The following FREM1 variants were observed in gnomAD, a reference collection of about 807,000 sequenced individuals.
FREM1 encodes the protein FRAS1-related extracellular matrix protein 1.
FREM1 carries 220 observed loss-of-function variants against 210.1 expected under a neutral mutation model. The ratio of observed to expected loss-of-function variants is 1.05; its 90% CI spans 0.94 to 1.17. The LOEUF (loss-of-function observed/expected upper bound fraction) is 1.17. Ranked by LOEUF, FREM1 falls within the 50% of genes most tolerant of loss-of-function variation. The probability of loss-of-function intolerance (pLI) is 0.00; values close to 1 mark genes in which losing one functional copy is unlikely to be tolerated. For missense variants in FREM1, 3,454 were observed against 2,675.5 expected (o/e 1.29, Z -6.42); for synonymous variants, 1,189 against 980.2 (o/e 1.21, Z -3.98).
intron 8 of FREM1, 62 bp from the exon 9 acceptor site, chr9:14,842,722 G>A (rs1407114290): frequency 1.6e-6 from 2 of 1,227,658 alleles, no homozygotes; most frequent in African/African-American, 1.5e-5. Flanking sequence ...GCAGCTGTGG[G>A]GAAAGCATCA....
chr9:14,808,511 C>G (rs1818783128), intron 16 of FREM1, among the ~76,000 whole-genome samples: 1 of 152,140 alleles, frequency 6.6e-6, no homozygotes. Flanking sequence ...GAGAAGGCAA[C>G]CTTTTCCCTT....
chr9:14,854,074 C>T (rs2151206), intron 5 of FREM1, among the ~76,000 whole-genome samples: 75,623 of 151,992 alleles, frequency 0.5, 20,929 homozygotes, highest in South Asian at 0.66. Context: ...CAGTTATCAT[C>T]ATACATAGGA....
intron 1 of FREM1, among the ~76,000 whole-genome samples, chr9:14,882,737 G>C (rs1263139785): frequency 6.6e-6 from 1 of 151,380 alleles, no homozygotes; most frequent in Non-Finnish European, 1.5e-5. Flanking sequence ...GATTACAGGT[G>C]TGAACCACTG....
intron 1 of FREM1, among the ~76,000 whole-genome samples, chr9:14,876,015 T>C (rs1002259721): frequency 2.0e-5 from 3 of 152,234 alleles, no homozygotes; most frequent in African/African-American, 7.2e-5. Context: ...CAAATGCTGC[T>C]GTCTGATCGT....
At chr9:14,832,049 C>T (rs981537383) in intron 10 of FREM1, among the ~76,000 whole-genome samples, 1 of 152,226 alleles carries the variant, frequency 6.6e-6, no homozygotes, top group African/African-American at 2.4e-5. Context: ...AGATTGTCTT[C>T]AACATGCACT....
chr9:14,878,319 A>T (rs988365705), intron 1 of FREM1, among the ~76,000 whole-genome samples: 7 of 151,736 alleles, frequency 4.6e-5, no homozygotes, highest in African/African-American at 1.2e-4. Context: ...ATCAAGATCC[A>T]TTCCTCCCTC....
At chr9:14,809,337 A>C (rs1818966158) in intron 16 of FREM1, among the ~76,000 whole-genome samples, 1 of 152,228 alleles carries the variant, frequency 6.6e-6, no homozygotes, top group South Asian at 2.1e-4. Flanking sequence ...AAATGGACTA[A>C]TACAGGGAGG....
At chr9:14,881,226 C>T (rs773498287) in intron 1 of FREM1, among the ~76,000 whole-genome samples, 18 of 152,156 alleles carry the variant, frequency 1.2e-4, no homozygotes, top group East Asian at 3.9e-4. Context: ...GCACATAAAA[C>T]GAAGACTTTG....
At chr9:14,832,942 T>A (rs892022180) in intron 10 of FREM1, among the ~76,000 whole-genome samples, 1 of 152,200 alleles carries the variant, frequency 6.6e-6, no homozygotes, top group Non-Finnish European at 1.5e-5. Flanking sequence ...CAGGACCCCA[T>A]AGGCCTGCTG....
intron 3 of FREM1, among the ~76,000 whole-genome samples, chr9:14,863,040 T>A (rs1004240248): frequency 2.0e-5 from 3 of 152,104 alleles, no homozygotes; most frequent in Non-Finnish European, 4.4e-5. Context: ...AACTCCATAG[T>A]TGATTTTTAA....
chr9:14,873,035 G>T (rs1832990081), intron 1 of FREM1, among the ~76,000 whole-genome samples: 1 of 152,016 alleles, frequency 6.6e-6, no homozygotes, highest in South Asian at 2.1e-4. Context: ...GATCATGGTG[G>T]ATAAGCTTTT....
chr9:14,890,257 C>A (rs985108253), intron 1 of FREM1, among the ~76,000 whole-genome samples: 5 of 152,228 alleles, frequency 3.3e-5, no homozygotes. Context: ...CATACCTTTG[C>A]CTACAACACA....
At chr9:14,759,982 A>G (rs1213945060) in intron 27 of FREM1, 81 bp from the exon 28 acceptor site, 2 of 1,197,736 alleles carry the variant, frequency 1.7e-6, no homozygotes, top group African/African-American at 3.1e-5. Flanking sequence ...GACTAGTGGA[A>G]AAACGTGGTT....
At chr9:14,794,583 C>T (rs1056020099) in intron 21 of FREM1, among the ~76,000 whole-genome samples, 1 of 152,168 alleles carries the variant, frequency 6.6e-6, no homozygotes, top group Non-Finnish European at 1.5e-5. Context: ...GCATCCTCTA[C>T]AGTAGCTAAA....
Position 14,869,231 on chromosome 9 carries a change from G to C in FREM1, c.-254C>G, listed in dbSNP as rs1376684368. 2.5e-6 allele frequency: 1 copy of C among 398,786 alleles called. No homozygotes were observed. Among genetic ancestry groups the C allele is most frequent in the Non-Finnish European group, 4.5e-6 (1 of 222,138 alleles). The allele number at this position is 398,786 out of a possible 1,614,324, so 24.7% of individuals were successfully genotyped here. ...CCGGCAAGATTAATGGGCTTCCCAA[G>C]TGCTTTTCTAATCCTGCAAATGGGA... On this transcript the variant is annotated 5_prime_UTR_variant, in exon 2 of 37. Coordinates refer to ENST00000380880, the MANE Select transcript of FREM1 (RefSeq NM_001379081.2).
Position 14,857,708 on chromosome 9 carries a change from G to C in FREM1, c.673C>G (p.Pro225Ala), listed in dbSNP as rs1319259460. 3.7e-6 allele frequency: 6 copies of C among 1,612,998 alleles called. No homozygotes were observed. Among genetic ancestry groups the C allele is most frequent in the South Asian group, 2.2e-5 (2 of 90,896 alleles). ...KLKCPGGSCT[P>A]GLKKIGSLKV... ...AGGCTTCCTATTTTCTTTAATCCTG[G>C]GGTACAGCTCCCACCTGGACACTTC... The change falls in exon 5 of 37, where the codon CCA becomes GCA. Residue 225 changes from proline (P) to alanine (A), a missense_variant. Coordinates refer to ENST00000380880, the MANE Select transcript of FREM1 (RefSeq NM_001379081.2).
At chr9:14,844,406 G>A (rs1826234450) in intron 8 of FREM1, among the ~76,000 whole-genome samples, 1 of 152,020 alleles carries the variant, frequency 6.6e-6, no homozygotes, top group African/African-American at 2.4e-5. Context: ...TATGTTTTTA[G>A]TAGAGATGGG....
At chr9:14,749,402 G>A (rs1303013470) in intron 30 of FREM1, among the ~76,000 whole-genome samples, 1 of 144,106 alleles carries the variant, frequency 6.9e-6, no homozygotes, top group Non-Finnish European at 1.6e-5. Context: ...GAAGAGAAGG[G>A]AATAGATTCC....
intron 10 of FREM1, among the ~76,000 whole-genome samples, chr9:14,831,995 G>A (rs897878695): frequency 6.6e-6 from 1 of 152,196 alleles, no homozygotes. Context: ...GGAAGGAGAC[G>A]AAAACGACGC....
Sources: gnomAD v4.1 joint callset for allele counts (sites outside exome capture counted in the v4.1 genomes callset) on GRCh38, gnomAD v4.1.1 for gene constraint, MANE v1.5 for transcripts, NCBI Gene and HGNC (gene_info 2026-07-23, HGNC 2026-07-21) for gene names.